SMAP1: variants seen among roughly 807,000 people sequenced by gnomAD.
The protein encoded by SMAP1 is small ArfGAP 1, also known as stromal membrane-associated protein 1.
SMAP1 carries 24 observed loss-of-function variants against 58.5 expected under a neutral mutation model. The ratio of observed to expected loss-of-function variants is 0.41; its 90% CI spans 0.30 to 0.58. SMAP1 has a LOEUF of 0.58. SMAP1 is among the 20% of genes least tolerant of loss of function. The pLI, the probability that SMAP1 is intolerant of heterozygous loss-of-function variation, is 0.29. For missense variants in SMAP1, 563 were observed against 566.3 expected (o/e 0.99, Z 0.06); for synonymous variants, 216 against 196.6 (o/e 1.10, Z -0.82).
chr6:70,684,848 A>G (rs755158484), intron 1 of SMAP1, among the ~76,000 whole-genome samples: 2 of 152,146 alleles, frequency 1.3e-5, no homozygotes, highest in Non-Finnish European at 2.9e-5. Context: ...TTAGAGGCAC[A>G]CTAGGATAGG....
At chr6:70,755,489 G>A (rs1487417071) in intron 3 of SMAP1, among the ~76,000 whole-genome samples, 2 of 152,006 alleles carry the variant, frequency 1.3e-5, no homozygotes, top group African/African-American at 2.4e-5. Flanking sequence ...TATGCTTTGT[G>A]TTAGAAGATT....
At chr6:70,818,829 T>G (rs1769756894) in intron 6 of SMAP1, among the ~76,000 whole-genome samples, 1 of 152,208 alleles carries the variant, frequency 6.6e-6, no homozygotes, top group Admixed American at 6.5e-5. Flanking sequence ...AATTTAAAAT[T>G]TTTCTACGAT....
intron 1 of SMAP1, among the ~76,000 whole-genome samples, chr6:70,697,919 C>A (rs564516155): frequency 6.6e-6 from 1 of 152,284 alleles, no homozygotes; most frequent in Middle Eastern, 3.4e-3. Context: ...CCTTTCTACT[C>A]AAGATATGAA....
intron 4 of SMAP1, among the ~76,000 whole-genome samples, chr6:70,787,795 A>T: frequency 6.6e-6 from 1 of 151,786 alleles, no homozygotes; most frequent in Non-Finnish European, 1.5e-5. Context: ...AAAAGTCAGG[A>T]AACAACAGGT....
intron 1 of SMAP1, among the ~76,000 whole-genome samples, chr6:70,699,284 C>T (rs1413927051): frequency 3.3e-5 from 5 of 152,136 alleles, no homozygotes; most frequent in Admixed American, 2.0e-4. Flanking sequence ...GAGCTTCCTG[C>T]GGCTGAGGGA....
At chr6:70,818,559 T>C (rs1320958564) in intron 6 of SMAP1, among the ~76,000 whole-genome samples, 1 of 152,238 alleles carries the variant, frequency 6.6e-6, no homozygotes, top group Non-Finnish European at 1.5e-5. Flanking sequence ...GGCAGGATGT[T>C]GAAGTGGAGA....
intron 1 of SMAP1, among the ~76,000 whole-genome samples, chr6:70,715,612 C>T (rs544065891): frequency 1.2e-4 from 18 of 152,264 alleles, no homozygotes; most frequent in East Asian, 3.9e-4. Context: ...TTGGCACCAG[C>T]GACTGGTCTT....
chr6:70,836,156 G>T (rs533591025), intron 6 of SMAP1, among the ~76,000 whole-genome samples: 8 of 152,182 alleles, frequency 5.3e-5, no homozygotes, highest in Non-Finnish European at 1.0e-4. Context: ...TTCATGCCGC[G>T]GATAAAGACA....
chr6:70,781,219 G>A (rs1037046542), intron 4 of SMAP1, among the ~76,000 whole-genome samples: 3 of 151,880 alleles, frequency 2.0e-5, no homozygotes, highest in African/African-American at 4.8e-5. Context: ...TATTGACTTG[G>A]CCACAGATTT....
At chr6:70,749,106 G>T (rs553173312) in intron 2 of SMAP1, among the ~76,000 whole-genome samples, 1 of 152,224 alleles carries the variant, frequency 6.6e-6, no homozygotes, top group South Asian at 2.1e-4. Flanking sequence ...CTCATGGCTG[G>T]GAGGCCCCAG....
intron 3 of SMAP1, among the ~76,000 whole-genome samples, chr6:70,759,154 C>T (rs1033767638): frequency 6.6e-6 from 1 of 152,084 alleles, no homozygotes; most frequent in Non-Finnish European, 1.5e-5. Context: ...AAAGGAAAGC[C>T]TGTGGCTGAA....
intron 4 of SMAP1, among the ~76,000 whole-genome samples, chr6:70,777,587 T>C (rs1256987562): frequency 6.6e-6 from 1 of 152,128 alleles, no homozygotes; most frequent in East Asian, 1.9e-4. Flanking sequence ...TTGTCTCCTT[T>C]GCCATGCAGA....
intron 6 of SMAP1, among the ~76,000 whole-genome samples, chr6:70,799,038 A>T (rs1344451949): frequency 2.0e-5 from 3 of 152,088 alleles, no homozygotes; most frequent in Admixed American, 2.0e-4. Context: ...AAGACTTAGA[A>T]TTTTAGAGAA....
chr6:70,670,509 T>A (rs937331939), intron 1 of SMAP1, among the ~76,000 whole-genome samples: 1 of 152,208 alleles, frequency 6.6e-6, no homozygotes, highest in Non-Finnish European at 1.5e-5. Flanking sequence ...TTTAGTAGAA[T>A]TCTTGGCTTG....
intron 1 of SMAP1, among the ~76,000 whole-genome samples, chr6:70,705,765 G>T (rs191637023): frequency 8.1e-4 from 123 of 152,186 alleles, no homozygotes; most frequent in African/African-American, 2.9e-3. Context: ...TGTATTTCAC[G>T]CCCTTTAATT....
At chr6:70,729,491 G>GTGTGTGTGTGTGTGTA (rs1287566747) in intron 1 of SMAP1, among the ~76,000 whole-genome samples, 5 of 150,632 alleles carry the variant, frequency 3.3e-5, no homozygotes, top group African/African-American at 1.2e-4. Flanking sequence ...GTGTGTGTGT[G>GTGTGTGTGTGTGTGTA]TGTATGTGTG....
At position 70,747,247 on chromosome 6, in the gene SMAP1, A is replaced by T. The variant is rs138531161; in HGVS notation, c.253-7733A>T. Among the ~76,000 whole-genome samples, 260 of 152,326 alleles carry T rather than the reference A, an allele frequency of 1.7e-3. 2 individuals are homozygous for T. The East Asian group carries it at 0.032, about 19-fold the overall frequency. ...TATGGTAAGTTTTAATATTTTTTAA[A>T]TGTATCACTATTATTTGTATAGTAA... On this transcript the variant is annotated intron_variant, in intron 2 of 10. Transcript: ENST00000370455.
intron 6 of SMAP1, among the ~76,000 whole-genome samples, chr6:70,801,255 TTGTC>T (rs538755914): frequency 7.9e-5 from 12 of 152,226 alleles, no homozygotes; most frequent in Non-Finnish European, 1.5e-4. Context: ...TGATTTGCAT[TTGTC>T]TGATGACCAG....
At chr6:70,705,202 A>T (rs1767789577) in intron 1 of SMAP1, among the ~76,000 whole-genome samples, 1 of 151,358 alleles carries the variant, frequency 6.6e-6, no homozygotes, top group Admixed American at 6.6e-5. Flanking sequence ...TACTGCATTT[A>T]TGAAGTGTTT....
Sources: allele counts gnomAD v4.1 joint callset (sites outside exome capture counted in the v4.1 genomes callset), GRCh38; gene constraint gnomAD v4.1.1; transcripts MANE v1.5; gene names NCBI Gene and HGNC (gene_info 2026-07-23, HGNC 2026-07-21).